TSG101: variants seen among roughly 807,000 people sequenced by gnomAD.
The protein encoded by TSG101 is tumor susceptibility gene 101 protein.
In TSG101, 19 loss-of-function variants were observed where a neutral mutation model predicts 48.5. The observed-to-expected ratio is 0.39, with a 90% confidence interval of 0.27 to 0.58. The LOEUF is 0.58. TSG101 is among the 20% of genes least tolerant of loss of function. The pLI, the probability that TSG101 is intolerant of heterozygous loss-of-function variation, is 0.55. For missense variants in TSG101, 365 were observed against 484.4 expected (o/e 0.75, Z 2.31); for synonymous variants, 174 against 169.4 (o/e 1.03, Z -0.21).
intron 7 of TSG101, among the ~76,000 whole-genome samples, chr11:18,491,548 T>A (rs1316421768): frequency 6.6e-6 from 1 of 152,226 alleles, no homozygotes; most frequent in Non-Finnish European, 1.5e-5. Context: ...CACTTGAAAC[T>A]TTCTGGGTTG....
chr11:18,490,305 A>C (rs867874849), intron 7 of TSG101: 1 of 583,020 alleles, frequency 1.7e-6, no homozygotes. Context: ...CACTGTCCCA[A>C]GTAATTGCAT....
At chr11:18,482,982 C>G (rs988747238) in intron 8 of TSG101, among the ~76,000 whole-genome samples, 3 of 152,052 alleles carry the variant, frequency 2.0e-5, no homozygotes, top group Admixed American at 6.6e-5. Context: ...GTGTCCCCAC[C>G]CAAATCTCAA....
At chr11:18,504,490 CTT>C (rs757661362) in intron 6 of TSG101, among the ~76,000 whole-genome samples, 1 of 151,968 alleles carries the variant, frequency 6.6e-6, no homozygotes, top group Non-Finnish European at 1.5e-5. Context: ...GAACACAGTA[CTT>C]TTGTTTCTAG....
intron 1 of TSG101, among the ~76,000 whole-genome samples, chr11:18,525,280 C>T (rs981432082): frequency 3.3e-5 from 5 of 152,110 alleles, no homozygotes; most frequent in Non-Finnish European, 7.4e-5. Flanking sequence ...GGTGTGGTGG[C>T]TCACGCCTGT....
intron 7 of TSG101, among the ~76,000 whole-genome samples, chr11:18,499,204 T>TA (rs1488514478): frequency 2.2e-5 from 3 of 138,358 alleles, no homozygotes; most frequent in Admixed American, 1.6e-4. Flanking sequence ...TAAATATATA[T>TA]ATATAAAATA....
Position 18,521,099 on chromosome 11 carries a change from A to G in TSG101, c.43-1496T>C, listed in dbSNP as rs112790714. On this transcript the variant is annotated intron_variant, in intron 1 of 9. Coordinates refer to ENST00000251968, the MANE Select transcript of TSG101 (RefSeq NM_006292.4). The stretch of plus-strand genomic sequence containing the variant: ...CTCTGGTAAGATCACTTCATAGAGG[A>G]TAACGTTTTTTCATCATGGAGCACA... 7.9e-5 allele frequency among the ~76,000 whole-genome samples: 12 copies of G among 152,048 alleles called. 1 individual carries two copies. Among genetic ancestry groups the G allele is most frequent in the African/African-American group, 2.9e-4 (12 of 41,504 alleles).
chr11:18,520,106 C>T (rs374696854), intron 1 of TSG101, among the ~76,000 whole-genome samples: 38 of 152,306 alleles, frequency 2.5e-4, no homozygotes, highest in African/African-American at 8.4e-4. Flanking sequence ...TAGACAACCA[C>T]GAATTTACTT....
chr11:18,525,880 A>G (rs1850364429), intron 1 of TSG101, among the ~76,000 whole-genome samples: 1 of 152,244 alleles, frequency 6.6e-6, no homozygotes, highest in African/African-American at 2.4e-5. Context: ...AGTTTTACAC[A>G]TAATAGTGTG....
intron 7 of TSG101, chr11:18,490,461 C>T: frequency 1.9e-6 from 1 of 534,604 alleles, no homozygotes; most frequent in Non-Finnish European, 3.6e-6. Context: ...AAGTGCCAGA[C>T]CAAGTCAAAC....
chr11:18,523,260 CAGATATA>C (rs1850308933), intron 1 of TSG101, among the ~76,000 whole-genome samples: 2 of 152,138 alleles, frequency 1.3e-5, no homozygotes, highest in African/African-American at 4.8e-5. Context: ...TCTTTACTAT[CAGATATA>C]AAACGGTGAC....
At chr11:18,517,282 T>A (rs1439153536) in intron 2 of TSG101, among the ~76,000 whole-genome samples, 2 of 151,922 alleles carry the variant, frequency 1.3e-5, no homozygotes, top group Non-Finnish European at 2.9e-5. Flanking sequence ...TAGCCAGTAT[T>A]AAAATGAAAA....
intron 5 of TSG101, among the ~76,000 whole-genome samples, chr11:18,508,207 G>C (rs1240659068): frequency 6.7e-6 from 1 of 150,192 alleles, no homozygotes; most frequent in African/African-American, 2.4e-5. Context: ...ATGAGACTAG[G>C]AAATATTTGA....
In TSG101 at chr11:18,481,432, T is replaced by G; in HGVS notation, c.1083+198A>C. 2.2e-6 allele frequency: 3 copies of G among 1,368,206 alleles called. No homozygotes were observed. The South Asian group carries it at 5.1e-5, about 23-fold the overall frequency. 84.8% of individuals were successfully genotyped at this position (1,368,206 alleles called of 1,614,324 possible). The stretch of plus-strand genomic sequence containing the variant: ...AGAACTGCAGCCACCAGCCCACTTC[T>G]CTTCCCCTGCTCAGACCAATCCTCA... On this transcript the variant is annotated intron_variant, in intron 9 of 9. Coordinates refer to ENST00000251968, the MANE Select transcript of TSG101 (RefSeq NM_006292.4).
In TSG101 at chr11:18,499,403, T is replaced by TATATATATATATA. The variant is rs1554970813; in HGVS notation, c.640+3082_640+3083insTATATATATATAT. 1.5e-3 allele frequency among the ~76,000 whole-genome samples: 10 copies of TATATATATATATA among 6,844 alleles called. 1 individual carries two copies. The highest frequency in any genetic ancestry group is 3.4e-3 in the Admixed American group (1 of 298). 4.5% of individuals were successfully genotyped at this position (6,844 alleles called of 152,430 possible). A position where few individuals can be genotyped will look rare whatever the true frequency, so the allele number is the denominator to read the frequency against. ...TTAAATATATATATATATATATATA[T>TATATATATATATA]TTTTTTTTTTTTTTTTTTTTTTCCT... On this transcript the variant is annotated intron_variant, in intron 7 of 9. Transcript: ENST00000251968.
At chr11:18,484,973 C>CT (rs1244158264) in intron 7 of TSG101, among the ~76,000 whole-genome samples, 3 of 112,424 alleles carry the variant, frequency 2.7e-5, no homozygotes, top group Non-Finnish European at 5.0e-5. Context: ...GAGTCTCACT[C>CT]TGTCACCCAG....
In TSG101 at chr11:18,499,391, TATA is replaced by T. The variant is rs1180557100; in HGVS notation, c.640+3092_640+3094del. Among the ~76,000 whole-genome samples, 55 of 8,196 alleles carry T rather than the reference TATA, an allele frequency of 6.7e-3. 1 individual carries two copies. The highest frequency in any genetic ancestry group is 0.011 in the Non-Finnish European group (49 of 4,520). The allele number at this position is 8,196 out of a possible 152,430, so 5.4% of individuals were successfully genotyped here. ...ATATGTTTATATTTAAATATATATA[TATA>T]TATATATATTTTTTTTTTTTTTTTT... On this transcript the variant is annotated intron_variant, in intron 7 of 9. Transcript: ENST00000251968.
At chr11:18,522,991 G>C (rs1261969345) in intron 1 of TSG101, among the ~76,000 whole-genome samples, 1 of 152,140 alleles carries the variant, frequency 6.6e-6, no homozygotes, top group East Asian at 1.9e-4. Context: ...CTGGGCTCAA[G>C]TGATCCTCCC....
intron 7 of TSG101, among the ~76,000 whole-genome samples, chr11:18,499,402 A>ATATATATATAT: frequency 5.5e-4 from 3 of 5,456 alleles, no homozygotes; most frequent in Non-Finnish European, 1.0e-3. Flanking sequence ...ATATATATAT[A>ATATATATATAT]TTTTTTTTTT....
rs746074800 is a variant in TSG101, at chr11:18,502,524, CTTG to C, written c.599_601del (p.Thr200del). 8 of 1,613,452 alleles carry C rather than the reference CTTG, an allele frequency of 5.0e-6. No homozygotes were observed. The highest frequency in any genetic ancestry group is 2.2e-5 in the East Asian group (1 of 44,842). ...AGGAGGCTGAGAAGGGTACTGAGAA[CTTG>C]TTGTGGCAGGATATGGACCACCAGG... On this transcript the variant is annotated inframe_deletion, in exon 7 of 10. Coordinates refer to ENST00000251968, the MANE Select transcript of TSG101 (RefSeq NM_006292.4).
Sources: allele counts gnomAD v4.1 joint callset (sites outside exome capture counted in the v4.1 genomes callset), GRCh38; gene constraint gnomAD v4.1.1; transcripts MANE v1.5; gene names NCBI Gene and HGNC (gene_info 2026-07-23, HGNC 2026-07-21).